EXD3: variants seen among roughly 807,000 people sequenced by gnomAD.
EXD3 encodes exonuclease 3'-5' domain containing 3, also known as exonuclease mut-7 homolog.
EXD3 carries 92 observed loss-of-function variants against 98.0 expected under a neutral mutation model. That is an observed-to-expected ratio of 0.94 (90% CI 0.79 to 1.12). The LOEUF (loss-of-function observed/expected upper bound fraction) is 1.12. EXD3 is among the 50% of genes most tolerant of loss of function. The pLI is 0.00. For missense variants in EXD3, 1,222 were observed against 1,191.6 expected (o/e 1.03, Z -0.38); for synonymous variants, 569 against 526.0 (o/e 1.08, Z -1.12).
At chr9:137,415,445 C>T (rs1288690339) in intron 1 of EXD3, among the ~76,000 whole-genome samples, 1 of 152,152 alleles carries the variant, frequency 6.6e-6, no homozygotes, top group Non-Finnish European at 1.5e-5. Context: ...CAGCCTGCCT[C>T]GGTCTCCTAA....
chr9:137,355,435 TGGAGGAAG>T (rs1834592336), intron 8 of EXD3, among the ~76,000 whole-genome samples: 3 of 4,528 alleles, frequency 6.6e-4, no homozygotes, highest in Non-Finnish European at 9.6e-4. Context: ...GGAAGGAGGA[TGGAGGAAG>T]GGAGGATGGA....
intron 17 of EXD3, among the ~76,000 whole-genome samples, chr9:137,338,282 T>G (rs1047529508): frequency 6.6e-6 from 1 of 152,210 alleles, no homozygotes; most frequent in Non-Finnish European, 1.5e-5. Flanking sequence ...AAAAACCTTC[T>G]AAAGAACGAA....
At chr9:137,310,342 C>T (rs1831293967) in intron 19 of EXD3, among the ~76,000 whole-genome samples, 1 of 152,166 alleles carries the variant, frequency 6.6e-6, no homozygotes, top group Non-Finnish European at 1.5e-5. Context: ...CCCCGGGGCT[C>T]AAATGAGCCT....
At chr9:137,392,916 G>C (rs1453625123) in intron 2 of EXD3, 4 of 513,378 alleles carry the variant, frequency 7.8e-6, no homozygotes, top group Admixed American at 6.1e-5. Flanking sequence ...CTGTTCTGGC[G>C]GGGGGCCGTA....
At chr9:137,406,598 C>T (rs1564215005) in intron 1 of EXD3, among the ~76,000 whole-genome samples, 1 of 152,214 alleles carries the variant, frequency 6.6e-6, no homozygotes, top group Non-Finnish European at 1.5e-5. Context: ...ACGCACCCCT[C>T]GACCCCCAGA....
At chr9:137,327,031 C>G (rs1403604913) in intron 17 of EXD3, among the ~76,000 whole-genome samples, 1 of 151,902 alleles carries the variant, frequency 6.6e-6, no homozygotes, top group Non-Finnish European at 1.5e-5. Context: ...TATGATTCCA[C>G]GTCTACGAGG....
At chr9:137,413,902 T>C (rs996361514) in intron 1 of EXD3, among the ~76,000 whole-genome samples, 2 of 151,456 alleles carry the variant, frequency 1.3e-5, no homozygotes, top group Non-Finnish European at 2.9e-5. Flanking sequence ...CCACACAGGT[T>C]CTGTTGTTTT....
intron 19 of EXD3, among the ~76,000 whole-genome samples, chr9:137,321,238 G>C (rs1011833279): frequency 6.6e-6 from 1 of 152,236 alleles, no homozygotes; most frequent in East Asian, 1.9e-4. Context: ...GCCTGCATCT[G>C]TTTCTGCTCA....
chr9:137,321,566 C>T (rs1832033351), intron 19 of EXD3, among the ~76,000 whole-genome samples: 1 of 152,124 alleles, frequency 6.6e-6, no homozygotes. Flanking sequence ...ACCTGTAATC[C>T]CAGCTACTCA....
At chr9:137,352,902 G>A in intron 10 of EXD3, 116 bp from the exon 11 acceptor site, 1 of 1,448,608 alleles carries the variant, frequency 6.9e-7, no homozygotes, top group Non-Finnish European at 9.0e-7. Flanking sequence ...CACTCGGGGA[G>A]GAGGGGCAGC....
In EXD3 at chr9:137,349,297, G is replaced by C; in HGVS notation, c.1658-15C>G. ...GGCGTCGGCAGCTGTGTGGGGAGTC[G>C]GCCTCAGCCTCCCGGGACAGAGGGC... On this transcript the variant is annotated splice_polypyrimidine_tract_variant and intron_variant, in intron 15 of 21. Coordinates refer to ENST00000340951, the MANE Select transcript of EXD3 (RefSeq NM_017820.5). The surrounding 1 kb of genome is among the most constrained non-coding windows in gnomAD (Gnocchi z 7.4). 3 of 1,557,266 alleles carry C rather than the reference G, an allele frequency of 1.9e-6. No individual in the cohort carries two copies. The highest frequency in any genetic ancestry group is 3.3e-4 in the Middle Eastern group (2 of 5,980).
At chr9:137,308,141 C>CG (rs1831147259) in intron 20 of EXD3, among the ~76,000 whole-genome samples, 1 of 152,112 alleles carries the variant, frequency 6.6e-6, no homozygotes, top group Non-Finnish European at 1.5e-5. Context: ...ATTGAGAGCC[C>CG]AGGGCAGGCA....
At chr9:137,314,052 C>T (rs1831504434) in intron 19 of EXD3, among the ~76,000 whole-genome samples, 1 of 152,126 alleles carries the variant, frequency 6.6e-6, no homozygotes, top group Non-Finnish European at 1.5e-5. Flanking sequence ...GTCCTGAGGC[C>T]CCCAGGCTGC....
intron 5 of EXD3, among the ~76,000 whole-genome samples, chr9:137,372,246 C>T (rs777988942): frequency 2.6e-4 from 39 of 152,206 alleles, no homozygotes; most frequent in African/African-American, 5.3e-4. Flanking sequence ...CGACGCATCT[C>T]GCACCTGGGC....
intron 7 of EXD3, among the ~76,000 whole-genome samples, chr9:137,359,599 G>T (rs1209307491): frequency 1.2e-5 from 1 of 85,658 alleles, no homozygotes; most frequent in Non-Finnish European, 2.9e-5. Flanking sequence ...GTCCATCTCT[G>T]TGTATCCCCA....
intron 17 of EXD3, among the ~76,000 whole-genome samples, chr9:137,331,873 G>A (rs375439917): frequency 2.6e-5 from 4 of 152,148 alleles, no homozygotes; most frequent in South Asian, 2.1e-4. Context: ...CCGAGAGGGC[G>A]CCACTGCACT....
chr9:137,406,536 C>T (rs894069142), intron 1 of EXD3, among the ~76,000 whole-genome samples: 2 of 152,200 alleles, frequency 1.3e-5, no homozygotes, highest in Non-Finnish European at 2.9e-5. Context: ...AACACTCCTG[C>T]CCCTGGCGTG....
chr9:137,366,305 G>A (rs1835253966), intron 7 of EXD3, 188 bp downstream of exon 7: 2 of 805,994 alleles, frequency 2.5e-6, no homozygotes, highest in East Asian at 5.3e-5. Flanking sequence ...CTGTGCTCCT[G>A]CCAGCCCCAG....
At position 137,393,536 on chromosome 9, in the gene EXD3, C is replaced by T. The variant is rs575645101; in HGVS notation, c.55+1767G>A. 5.9e-5 allele frequency among the ~76,000 whole-genome samples: 9 copies of T among 152,330 alleles called. No individual in the cohort carries two copies. In the East Asian group the frequency reaches 1.7e-3, roughly 29 times the overall value. On this transcript the variant is annotated intron_variant, in intron 2 of 21. Transcript: ENST00000340951. This position sits in a 1 kb window ranked among gnomAD's most constrained non-coding sequence, Gnocchi z 4.6. ...CAGAGGTGGCCCCTCCCCGAGCACACGCTGACCTGGCTACATCAGGGAAGG... is the reference window on the plus strand; with the variant it reads ...CAGAGGTGGCCCCTCCCCGAGCACATGCTGACCTGGCTACATCAGGGAAGG...
Sources: gnomAD v4.1 joint callset for allele counts (sites outside exome capture counted in the v4.1 genomes callset) on GRCh38, gnomAD v4.1.1 for gene constraint, Gnocchi (gnomAD v3.1) non-coding constraint, MANE v1.5 for transcripts, NCBI Gene and HGNC (gene_info 2026-07-23, HGNC 2026-07-21) for gene names.